Variants in KCTD16 observed in about 807,000 individuals in gnomAD.
The protein encoded by KCTD16 is potassium channel tetramerization domain containing 16, also known as BTB/POZ domain-containing protein KCTD16.
Under a neutral mutation model 33.2 loss-of-function variants are expected in KCTD16, and 13 were observed. The ratio of observed to expected loss-of-function variants is 0.39; its 90% CI spans 0.25 to 0.62. The LOEUF (loss-of-function observed/expected upper bound fraction) is 0.62. KCTD16 is among the 20% of genes least tolerant of loss of function. The pLI is 0.50. For missense variants in KCTD16, 441 were observed against 525.1 expected, an observed-to-expected ratio of 0.84 and a Z score of 1.57; for synonymous variants, 197 against 195.3, an observed-to-expected ratio of 1.01 and a Z score of -0.07.
chr5:144,288,429 C>T (rs761083754), intron 3 of KCTD16, among the ~76,000 whole-genome samples: 1 of 152,034 alleles, frequency 6.6e-6, no homozygotes, highest in South Asian at 2.1e-4. Flanking sequence ...GAGCATTGGA[C>T]AAATGTAGGT....
chr5:144,277,466 T>C (rs1755470380), intron 3 of KCTD16, among the ~76,000 whole-genome samples: 2 of 152,190 alleles, frequency 1.3e-5, no homozygotes, highest in African/African-American at 2.4e-5. Flanking sequence ...TATTGACTAC[T>C]AAACTTGGAA....
At chr5:144,182,099 A>G (rs980876015) in intron 2 of KCTD16, among the ~76,000 whole-genome samples, 14 of 151,898 alleles carry the variant, frequency 9.2e-5, no homozygotes, top group Non-Finnish European at 1.9e-4. Context: ...AAAAAAAAAA[A>G]AAGTTATCAG....
chr5:144,201,594 T>C (rs1753046009), intron 2 of KCTD16, among the ~76,000 whole-genome samples: 1 of 152,194 alleles, frequency 6.6e-6, no homozygotes, highest in African/African-American at 2.4e-5. Context: ...TGCATCTTCA[T>C]ATTTAGTCCA....
At chr5:144,369,305 A>G (rs1189187682) in intron 3 of KCTD16, 2 of 151,616 alleles carry the variant, frequency 1.3e-5, no homozygotes, top group African/African-American at 2.4e-5. Flanking sequence ...TGGTTTGGCT[A>G]TTCACCCTCT....
At chr5:144,378,952 C>T (rs952656964) in intron 3 of KCTD16, among the ~76,000 whole-genome samples, 1 of 152,016 alleles carries the variant, frequency 6.6e-6, no homozygotes, top group African/African-American at 2.4e-5. Flanking sequence ...TGGGATTTGG[C>T]GATATTAATT....
At chr5:144,312,318 C>T (rs773986568) in intron 3 of KCTD16, among the ~76,000 whole-genome samples, 3 of 152,092 alleles carry the variant, frequency 2.0e-5, no homozygotes, top group Non-Finnish European at 4.4e-5. Context: ...AGCCTTTATC[C>T]TTGGCATTCA....
At chr5:144,380,601 C>A (rs1446683502) in intron 3 of KCTD16, among the ~76,000 whole-genome samples, 1 of 152,114 alleles carries the variant, frequency 6.6e-6, no homozygotes, top group Admixed American at 6.6e-5. Flanking sequence ...CATTATGAGG[C>A]TCCAGTTACC....
chr5:144,217,732 T>A (rs1753608715), intron 3 of KCTD16, among the ~76,000 whole-genome samples: 1 of 152,152 alleles, frequency 6.6e-6, no homozygotes, highest in Admixed American at 6.5e-5. Flanking sequence ...TTAATGATTT[T>A]CTAGTACTTC....
chr5:144,230,448 T>A (rs770424056), intron 3 of KCTD16, among the ~76,000 whole-genome samples: 1 of 152,224 alleles, frequency 6.6e-6, no homozygotes, highest in Non-Finnish European at 1.5e-5. Context: ...AAGGTGTGAA[T>A]CCTCAGCCTT....
intron 3 of KCTD16, among the ~76,000 whole-genome samples, chr5:144,393,779 G>A (rs1445157896): frequency 6.6e-6 from 1 of 152,024 alleles, no homozygotes; most frequent in Non-Finnish European, 1.5e-5. Context: ...AGAGTTAATT[G>A]CCAACTTTAT....
chr5:144,472,841 A>G (rs1434725832), intron 3 of KCTD16, among the ~76,000 whole-genome samples: 1 of 152,252 alleles, frequency 6.6e-6, no homozygotes, highest in Non-Finnish European at 1.5e-5. Flanking sequence ...CAGAGAAGTT[A>G]TAACTTGAAA....
intron 3 of KCTD16, among the ~76,000 whole-genome samples, chr5:144,382,885 C>G (rs577323138): frequency 6.6e-6 from 1 of 152,318 alleles, no homozygotes; most frequent in South Asian, 2.1e-4. Flanking sequence ...CCACTAAATT[C>G]TCATATTGCT....
intron 3 of KCTD16, among the ~76,000 whole-genome samples, chr5:144,304,815 G>T (rs931204163): frequency 2.0e-5 from 3 of 152,056 alleles, no homozygotes; most frequent in Non-Finnish European, 2.9e-5. Flanking sequence ...CTGCAGGTCT[G>T]TCACTGTCTT....
At chr5:144,284,809 T>G (rs1228078723) in intron 3 of KCTD16, among the ~76,000 whole-genome samples, 1 of 152,188 alleles carries the variant, frequency 6.6e-6, no homozygotes, top group African/African-American at 2.4e-5. Context: ...GACAAGAATT[T>G]GGAAGAAAAG....
intron 3 of KCTD16, among the ~76,000 whole-genome samples, chr5:144,313,636 A>C (rs1417536159): frequency 1.3e-5 from 2 of 152,198 alleles, no homozygotes; most frequent in Non-Finnish European, 2.9e-5. Context: ...TTTTATAAAC[A>C]GTACTACTCT....
intron 3 of KCTD16, among the ~76,000 whole-genome samples, chr5:144,260,199 C>G (rs983604615): frequency 2.4e-4 from 37 of 152,278 alleles, no homozygotes; most frequent in African/African-American, 7.7e-4. Context: ...TGTGGAAAAC[C>G]TCTCCTGTGG....
At chr5:144,204,353 G>A (rs1013703597) in intron 2 of KCTD16, among the ~76,000 whole-genome samples, 1 of 152,178 alleles carries the variant, frequency 6.6e-6, no homozygotes, top group African/African-American at 2.4e-5. Context: ...AGACACTGGT[G>A]TTTTAAAGGG....
intron 2 of KCTD16, among the ~76,000 whole-genome samples, chr5:144,196,997 G>A (rs1345636309): frequency 6.6e-6 from 1 of 152,100 alleles, no homozygotes; most frequent in Admixed American, 6.5e-5. Context: ...ATGTACTTTG[G>A]CCCTTTAAAT....
chr5:144,208,490 A>T (rs1278494592), intron 3 of KCTD16, among the ~76,000 whole-genome samples: 1 of 152,234 alleles, frequency 6.6e-6, no homozygotes, highest in Non-Finnish European at 1.5e-5. Context: ...ACTTGATTTT[A>T]ACTGCCGATT....
Sources: gnomAD v4.1 joint callset for allele counts (sites outside exome capture counted in the v4.1 genomes callset) on GRCh38, gnomAD v4.1.1 for gene constraint, MANE v1.5 for transcripts, NCBI Gene and HGNC (gene_info 2026-07-23, HGNC 2026-07-21) for gene names.